The following GNAO1 variants were observed in gnomAD, a reference collection of about 807,000 sequenced individuals.
GNAO1 encodes the protein guanine nucleotide-binding protein G(o) subunit alpha.
For synonymous variants in GNAO1, 164 were observed against 180.7 expected, an observed-to-expected ratio of 0.91 and a Z score of 0.74; for missense variants, 166 against 478.7, an observed-to-expected ratio of 0.35 and a Z score of 6.10.
At chr16:56,322,224 A>G (rs780897963) in intron 3 of GNAO1, among the ~76,000 whole-genome samples, 8 of 152,224 alleles carry the variant, frequency 5.3e-5, no homozygotes, top group Non-Finnish European at 1.0e-4. Flanking sequence ...TTAGGGGGAC[A>G]TAAACAATCA....
At chr16:56,300,008 C>CGTGTGTGTGTGTAT (rs1555505496) in intron 3 of GNAO1, among the ~76,000 whole-genome samples, 2 of 129,698 alleles carry the variant, frequency 1.5e-5, no homozygotes, top group Non-Finnish European at 3.2e-5. Flanking sequence ...GATTGGGGTT[C>CGTGTGTGTGTGTAT]GTGTGTGTGT....
At chr16:56,218,668 T>C (rs2036457150) in intron 2 of GNAO1, among the ~76,000 whole-genome samples, 1 of 152,068 alleles carries the variant, frequency 6.6e-6, no homozygotes, top group Admixed American at 6.5e-5. Context: ...CATTGCCATG[T>C]CTCTCTCTAT....
intron 6 of GNAO1, chr16:56,346,482 G>A: frequency 1.0e-6 from 1 of 985,366 alleles, no homozygotes; most frequent in Non-Finnish European, 1.2e-6. Flanking sequence ...ATGCCTATGG[G>A]CCAGTTTTGT....
chr16:56,203,513 C>T (rs762853536), intron 2 of GNAO1, among the ~76,000 whole-genome samples: 3 of 152,012 alleles, frequency 2.0e-5, no homozygotes, highest in Non-Finnish European at 2.9e-5. Flanking sequence ...AAGGAGGAAG[C>T]GTGCTTATCA....
In GNAO1 at chr16:56,345,136, CG is replaced by C. The variant is rs563435312; in HGVS notation, c.724-6244del. 7.9e-5 allele frequency: 78 copies of C among 985,778 alleles called. No homozygotes were observed. In the Admixed American group the frequency reaches 2.3e-3, roughly 29 times the overall value. 61.1% of individuals were successfully genotyped at this position (985,778 alleles called of 1,614,324 possible). ...GCGGAGATCCCTGAGCAGAAGGGGG[CG>C]GGGTAGCTTCTCCCGGTGACGGTGA... On this transcript the variant is annotated intron_variant, in intron 6 of 8. Coordinates refer to ENST00000262493, the MANE Select transcript of GNAO1 (RefSeq NM_020988.3).
intron 6 of GNAO1, chr16:56,340,702 G>A: frequency 1.3e-6 from 1 of 760,592 alleles, no homozygotes; most frequent in Non-Finnish European, 2.2e-6. Context: ...CCGTCCTGGT[G>A]GTCTCCGTCC....
intron 3 of GNAO1, among the ~76,000 whole-genome samples, chr16:56,323,928 G>A (rs1172552283): frequency 6.6e-6 from 1 of 152,104 alleles, no homozygotes; most frequent in Non-Finnish European, 1.5e-5. Flanking sequence ...GCAGGGCACT[G>A]GGCATGGGAA....
chr16:56,281,491 C>G (rs570409178), intron 3 of GNAO1, among the ~76,000 whole-genome samples: 2 of 152,204 alleles, frequency 1.3e-5, no homozygotes, highest in East Asian at 3.9e-4. Flanking sequence ...TCACTCCTCC[C>G]TTTTTCTTCA....
intron 2 of GNAO1, chr16:56,213,414 T>C (rs1283528490): frequency 1.0e-5 from 4 of 398,226 alleles, no homozygotes; most frequent in African/African-American, 8.2e-5. Flanking sequence ...TACATAGTAG[T>C]ATTATACATC....
chr16:56,236,042 C>G (rs939901594), intron 2 of GNAO1, among the ~76,000 whole-genome samples: 3 of 152,132 alleles, frequency 2.0e-5, no homozygotes, highest in African/African-American at 7.2e-5. Flanking sequence ...AGCTGGGTAC[C>G]AGGTCTCCAC....
intron 2 of GNAO1, among the ~76,000 whole-genome samples, chr16:56,223,899 T>A (rs2036512241): frequency 6.6e-6 from 1 of 152,218 alleles, no homozygotes; most frequent in Non-Finnish European, 1.5e-5. Context: ...ACAAAAGATG[T>A]TCAGTAAATG....
chr16:56,250,624 A>G (rs1384332922), intron 2 of GNAO1, among the ~76,000 whole-genome samples: 4 of 152,210 alleles, frequency 2.6e-5, no homozygotes, highest in Non-Finnish European at 4.4e-5. Context: ...ATCCTGCCCA[A>G]TGACTTAAAA....
At chr16:56,209,014 T>A (rs1432336623) in intron 2 of GNAO1, among the ~76,000 whole-genome samples, 1 of 152,232 alleles carries the variant, frequency 6.6e-6, no homozygotes, top group Non-Finnish European at 1.5e-5. Context: ...CTCCCTCTTT[T>A]TGGTTAGTGT....
At chr16:56,301,969 T>A (rs905127380) in intron 3 of GNAO1, 2 of 152,092 alleles carry the variant, frequency 1.3e-5, no homozygotes, top group African/African-American at 4.8e-5. Flanking sequence ...GATGTGGAGG[T>A]GTGGGCAGAA....
At chr16:56,279,785 G>A (rs1328363489) in intron 3 of GNAO1, among the ~76,000 whole-genome samples, 2 of 152,156 alleles carry the variant, frequency 1.3e-5, no homozygotes, top group Admixed American at 6.5e-5. Context: ...TCCAGAACAG[G>A]GGACACAGCA....
At chr16:56,347,714 T>C in intron 6 of GNAO1, 1 of 985,274 alleles carries the variant, frequency 1.0e-6, no homozygotes, top group South Asian at 4.7e-5. Context: ...GAGCACCACT[T>C]CCTGGCAGTG....
intron 3 of GNAO1, among the ~76,000 whole-genome samples, chr16:56,282,458 C>T (rs1355547474): frequency 6.6e-6 from 1 of 152,316 alleles, no homozygotes; most frequent in African/African-American, 2.4e-5. Context: ...GTTTTATCTG[C>T]ACTTTTCAGG....
chr16:56,299,493 C>T (rs1596850439), intron 3 of GNAO1, among the ~76,000 whole-genome samples: 1 of 152,338 alleles, frequency 6.6e-6, no homozygotes, highest in East Asian at 1.9e-4. Flanking sequence ...CACCCTTGCC[C>T]CAGCCCCACC....
At chr16:56,193,532 C>T (rs1185747941) in intron 2 of GNAO1, 1 of 156,696 alleles carries the variant, frequency 6.4e-6, no homozygotes, top group Non-Finnish European at 1.4e-5. Flanking sequence ...CCCCTTCTGC[C>T]TTAGCTATCA....
Sources: allele counts gnomAD v4.1 joint callset (sites outside exome capture counted in the v4.1 genomes callset), GRCh38; gene constraint gnomAD v4.1.1; transcripts MANE v1.5; gene names NCBI Gene and HGNC (gene_info 2026-07-23, HGNC 2026-07-21).